Variants in METTL25 observed in about 807,000 individuals in gnomAD.
METTL25 encodes the protein probable methyltransferase-like protein 25.
In METTL25, 64 loss-of-function variants were observed where a neutral mutation model predicts 71.6. That is an observed-to-expected ratio of 0.89 (90% CI 0.73 to 1.10). The LOEUF is 1.10. METTL25 is among the 50% of genes least tolerant of loss of function. METTL25 has a pLI of 0.00. For synonymous variants in METTL25, 287 were observed against 250.3 expected, an observed-to-expected ratio of 1.15 and a Z score of -1.38; for missense variants, 807 against 707.0, an observed-to-expected ratio of 1.14 and a Z score of -1.60.
intron 5 of METTL25, among the ~76,000 whole-genome samples, chr12:82,423,971 A>G (rs1287611134): frequency 2.6e-5 from 4 of 152,214 alleles, no homozygotes; most frequent in Non-Finnish European, 5.9e-5. Flanking sequence ...TGTGGAAGAC[A>G]GTGTGGCAAT....
chr12:82,381,872 A>C (rs370911893), intron 1 of METTL25, among the ~76,000 whole-genome samples: 41 of 152,324 alleles, frequency 2.7e-4, no homozygotes, highest in East Asian at 2.5e-3. Context: ...TTTTATTGAT[A>C]AGGGAGAAAA....
chr12:82,419,822 A>C lies in METTL25; in HGVS notation c.1280-11071A>C, dbSNP rs528918721. 2.6e-5 allele frequency among the ~76,000 whole-genome samples: 4 copies of C among 152,300 alleles called. No homozygotes were observed. The South Asian group carries it at 8.3e-4, about 32-fold the overall frequency. On this transcript the variant is annotated intron_variant, in intron 5 of 11. Coordinates refer to ENST00000248306, the MANE Select transcript of METTL25 (RefSeq NM_032230.3). ...ATACGGAGGTTCCTCAAAGAATTAA[A>C]AGTAGAATTACCATTTGATTCAGCA...
chr12:82,427,356 T>G (rs1310062929), intron 5 of METTL25, among the ~76,000 whole-genome samples: 1 of 152,010 alleles, frequency 6.6e-6, no homozygotes, highest in Non-Finnish European at 1.5e-5. Context: ...TCTCATAGTT[T>G]CTGTGGGTCA....
At chr12:82,451,617 T>C (rs1350566273) in intron 8 of METTL25, among the ~76,000 whole-genome samples, 2 of 152,194 alleles carry the variant, frequency 1.3e-5, no homozygotes, top group Non-Finnish European at 2.9e-5. Context: ...TTCTCCGAAC[T>C]GTGTATAGAC....
chr12:82,448,197 A>G (rs926259030), intron 8 of METTL25, among the ~76,000 whole-genome samples: 52 of 152,194 alleles, frequency 3.4e-4, no homozygotes, highest in African/African-American at 1.3e-3. Context: ...TTTTCTTGCT[A>G]GCTAAAATAA....
intron 5 of METTL25, chr12:82,407,859 C>G: frequency 1.0e-6 from 1 of 985,274 alleles, no homozygotes. Context: ...ATCTCAAAAA[C>G]CAGATGGAAA....
chr12:82,391,724 CTT>C (rs58065185), intron 3 of METTL25, among the ~76,000 whole-genome samples: 343 of 125,476 alleles, frequency 2.7e-3, no homozygotes, highest in Non-Finnish European at 2.8e-3. Flanking sequence ...TACTGATTTC[CTT>C]TTTTTTTTTT....
intron 1 of METTL25, among the ~76,000 whole-genome samples, chr12:82,372,627 T>C (rs770882888): frequency 8.5e-5 from 13 of 152,154 alleles, no homozygotes; most frequent in Non-Finnish European, 1.0e-4. Flanking sequence ...AGAGAGAATA[T>C]TGGGGCCAGG....
chr12:82,472,176 G>T (rs531921198), intron 9 of METTL25, among the ~76,000 whole-genome samples: 36 of 152,188 alleles, frequency 2.4e-4, no homozygotes, highest in Admixed American at 6.5e-4. Flanking sequence ...AGAGCCAATT[G>T]TTCACTTATG....
chr12:82,392,935 C>T (rs1885732034), intron 3 of METTL25, among the ~76,000 whole-genome samples: 1 of 151,926 alleles, frequency 6.6e-6, no homozygotes, highest in Non-Finnish European at 1.5e-5. Context: ...AATGAGTTGG[C>T]TGTAAATGCA....
At chr12:82,407,210 G>A (rs1383537800) in intron 5 of METTL25, among the ~76,000 whole-genome samples, 2 of 152,054 alleles carry the variant, frequency 1.3e-5, no homozygotes, top group Non-Finnish European at 2.9e-5. Flanking sequence ...GAAATTAGTT[G>A]AAGAGAATAG....
chr12:82,428,802 A>G (rs1336840492), intron 5 of METTL25, among the ~76,000 whole-genome samples: 2 of 151,830 alleles, frequency 1.3e-5, no homozygotes, highest in African/African-American at 4.8e-5. Flanking sequence ...CATGAGAATA[A>G]TAGTATACCT....
intron 5 of METTL25, among the ~76,000 whole-genome samples, chr12:82,422,147 A>G (rs1217631311): frequency 1.3e-5 from 2 of 152,194 alleles, no homozygotes; most frequent in Non-Finnish European, 2.9e-5. Context: ...AAAAATCCTC[A>G]ATAAAATACT....
At chr12:82,401,319 AC>A (rs1487956340) in intron 4 of METTL25, among the ~76,000 whole-genome samples, 2 of 152,138 alleles carry the variant, frequency 1.3e-5, no homozygotes, top group Non-Finnish European at 2.9e-5. Context: ...ACAAGTTAAT[AC>A]TTAACGTTAT....
chr12:82,392,237 C>G (rs930980607), intron 3 of METTL25, among the ~76,000 whole-genome samples: 44 of 149,472 alleles, frequency 2.9e-4, no homozygotes, highest in Admixed American at 1.5e-3. Context: ...GTATATCTCC[C>G]AATGCTATCC....
intron 5 of METTL25, among the ~76,000 whole-genome samples, chr12:82,429,189 A>G (rs1424825705): frequency 1.3e-5 from 2 of 151,058 alleles, no homozygotes; most frequent in Admixed American, 6.6e-5. Context: ...CTCTTCATCT[A>G]CCTCTCCCCA....
At chr12:82,422,521 A>G (rs935142315) in intron 5 of METTL25, among the ~76,000 whole-genome samples, 9 of 152,206 alleles carry the variant, frequency 5.9e-5, no homozygotes, top group Non-Finnish European at 8.8e-5. Context: ...CTCCTATTCA[A>G]CATAGTGTTG....
intron 8 of METTL25, among the ~76,000 whole-genome samples, chr12:82,449,491 T>C (rs1890986625): frequency 1.3e-5 from 2 of 152,158 alleles, no homozygotes; most frequent in Admixed American, 1.3e-4. Context: ...GGAGTTGTTC[T>C]CTCTACCTGG....
At chr12:82,362,603 T>G (rs1402016157) in intron 1 of METTL25, among the ~76,000 whole-genome samples, 1 of 152,192 alleles carries the variant, frequency 6.6e-6, no homozygotes, top group African/African-American at 2.4e-5. Context: ...ATAAAACTTG[T>G]AGGCTGTACT....
Sources: gnomAD v4.1 joint callset for allele counts (sites outside exome capture counted in the v4.1 genomes callset) on GRCh38, gnomAD v4.1.1 for gene constraint, MANE v1.5 for transcripts, NCBI Gene and HGNC (gene_info 2026-07-23, HGNC 2026-07-21) for gene names.